Variants in MTUS1 observed in about 807,000 individuals in gnomAD.
MTUS1 encodes microtubule-associated tumor suppressor 1.
MTUS1 carries 109 observed loss-of-function variants against 120.8 expected under a neutral mutation model. That is an observed-to-expected ratio of 0.90 (90% CI 0.77 to 1.06). The LOEUF (loss-of-function observed/expected upper bound fraction) is 1.06. Ranked by LOEUF, MTUS1 falls within the 50% of genes least tolerant of loss-of-function variation. The probability of loss-of-function intolerance (pLI) is 0.00; values close to 1 mark genes in which losing one functional copy is unlikely to be tolerated. For missense variants in MTUS1, 2,210 were observed against 1,486.3 expected (o/e 1.49, Z -8.01); for synonymous variants, 737 against 550.5 (o/e 1.34, Z -4.74).
chr8:17,778,795 T>G (rs1269816922), intron 1 of MTUS1, among the ~76,000 whole-genome samples: 1 of 151,988 alleles, frequency 6.6e-6, no homozygotes, highest in Non-Finnish European at 1.5e-5. Context: ...GGTGGCCGAG[T>G]AAGACTCTAT....
chr8:17,702,274 T>C (rs558256465), intron 6 of MTUS1, among the ~76,000 whole-genome samples: 2 of 152,222 alleles, frequency 1.3e-5, no homozygotes, highest in Non-Finnish European at 2.9e-5. Context: ...AAGCAAGAAC[T>C]GAGAGCACAT....
chr8:17,697,103 C>T (rs1422881472), intron 6 of MTUS1, among the ~76,000 whole-genome samples: 1 of 152,178 alleles, frequency 6.6e-6, no homozygotes, highest in Non-Finnish European at 1.5e-5. Context: ...GCTGAAGCAA[C>T]AGAAAACAAT....
chr8:17,724,210 C>T (rs1221769194), intron 3 of MTUS1: 1 of 409,582 alleles, frequency 2.4e-6, no homozygotes, highest in Non-Finnish European at 4.7e-6. Context: ...ATACTGGTGA[C>T]TAAAAAAAAA....
In MTUS1 at chr8:17,755,092, T is replaced by C. The variant is rs1471141195; in HGVS notation, c.716A>G (p.Gln239Arg). 4.3e-6 allele frequency: 7 copies of C among 1,613,912 alleles called. No individual in the cohort carries two copies. Among genetic ancestry groups the C allele is most frequent in the Non-Finnish European group, 5.9e-6 (7 of 1,180,038 alleles). The change falls in exon 2 of 15, where the codon CAA (glutamine) becomes CGA (arginine). Residue 239 changes from glutamine (Q) to arginine (R), a missense_variant. Coordinates refer to ENST00000693296, the MANE Select transcript of MTUS1 (RefSeq NM_001363059.2). ...ENPQVTPSEA[Q>R]DMTYTAFSDV... Reference sequence around the variant, plus strand: ...AGAAAATGCTGTGTAAGTCATGTCTTGGGCTTCTGATGGTGTGACTTGAGG... The same window carrying C: ...AGAAAATGCTGTGTAAGTCATGTCTCGGGCTTCTGATGGTGTGACTTGAGG...
At chr8:17,678,369 A>C (rs551575106) in intron 7 of MTUS1, among the ~76,000 whole-genome samples, 1 of 101,774 alleles carries the variant, frequency 9.8e-6, no homozygotes, top group Non-Finnish European at 2.5e-5. Context: ...ATGTGAAAAA[A>C]GAGAAAGGTG....
At chr8:17,740,021 C>T (rs1020493092) in intron 3 of MTUS1, among the ~76,000 whole-genome samples, 2 of 152,024 alleles carry the variant, frequency 1.3e-5, no homozygotes, top group Non-Finnish European at 2.9e-5. Context: ...GCCTGGCCAA[C>T]ATGGTGAAAC....
intron 4 of MTUS1, chr8:17,721,596 A>G: frequency 7.9e-7 from 1 of 1,260,688 alleles, no homozygotes; most frequent in Non-Finnish European, 1.1e-6. Flanking sequence ...CCCAAATACT[A>G]CCATTACCAT....
intron 3 of MTUS1, chr8:17,724,132 A>G (rs1400361222): frequency 1.9e-6 from 1 of 521,808 alleles, no homozygotes. Context: ...GATCAATCAG[A>G]ATAATCATGA....
intron 7 of MTUS1, among the ~76,000 whole-genome samples, chr8:17,677,219 T>C (rs181640755): frequency 2.0e-5 from 3 of 152,274 alleles, no homozygotes; most frequent in East Asian, 1.9e-4. Context: ...AAGAAAAACA[T>C]AAAAATATGT....
intron 1 of MTUS1, among the ~76,000 whole-genome samples, chr8:17,769,935 G>A (rs543560677): frequency 2.1e-5 from 3 of 140,864 alleles, no homozygotes; most frequent in African/African-American, 5.2e-5. Context: ...CACGGGGGGG[G>A]TTGGGGGGGA....
chr8:17,763,535 A>T (rs2049211871), intron 1 of MTUS1, among the ~76,000 whole-genome samples: 1 of 152,140 alleles, frequency 6.6e-6, no homozygotes, highest in South Asian at 2.1e-4. Flanking sequence ...ATTTTTGTAA[A>T]TTTAGTGAGA....
At position 17,754,710 on chromosome 8, in the gene MTUS1, G is replaced by A. The variant is rs750938017; in HGVS notation, c.1098C>T (p.Asn366=). ...AFDKSEAQVL[N]PEHKVTETED... ...CAGTCTCAGTGACTTTATGCTCTGG[G>A]TTCAGCACTTGAGCTTCGCTCTTAT... Residue 366 remains asparagine, a synonymous_variant, in exon 2 of 15, where the codon AAC becomes AAT. Transcript: ENST00000693296. The A allele has an allele frequency of 2.5e-6, 4 of 1,614,114 alleles. No homozygotes were observed. The highest frequency in any genetic ancestry group is 1.6e-4 in the Middle Eastern group (1 of 6,084).
intron 1 of MTUS1, among the ~76,000 whole-genome samples, chr8:17,788,154 C>T (rs887495676): frequency 1.3e-5 from 2 of 152,124 alleles, no homozygotes; most frequent in Non-Finnish European, 1.5e-5. Context: ...GTGATGGACA[C>T]ATTCTGTATC....
At chr8:17,712,501 A>T (rs13439624) in intron 6 of MTUS1, among the ~76,000 whole-genome samples, 144,446 of 152,136 alleles carry the variant, frequency 0.95, 68,772 homozygotes, top group Non-Finnish European at 0.99. Context: ...CACGTCCGGC[A>T]AACTTTTTTG....
At chr8:17,748,439 G>C (rs1208336420) in intron 2 of MTUS1, among the ~76,000 whole-genome samples, 1 of 152,124 alleles carries the variant, frequency 6.6e-6, no homozygotes, top group Non-Finnish European at 1.5e-5. Context: ...CACCAACTTT[G>C]GGTACCCAAA....
At chr8:17,726,782 G>A (rs891434689) in intron 3 of MTUS1, among the ~76,000 whole-genome samples, 1 of 152,194 alleles carries the variant, frequency 6.6e-6, no homozygotes, top group South Asian at 2.1e-4. Flanking sequence ...CCAAATTGCC[G>A]CCCCTTCAGC....
At chr8:17,798,846 G>C (rs967052045) in intron 1 of MTUS1, among the ~76,000 whole-genome samples, 2 of 152,092 alleles carry the variant, frequency 1.3e-5, no homozygotes, top group Non-Finnish European at 2.9e-5. Context: ...TCCATAAAAG[G>C]CTCTTATGAA....
chr8:17,728,456 G>A (rs908588515), intron 3 of MTUS1, among the ~76,000 whole-genome samples: 1 of 152,222 alleles, frequency 6.6e-6, no homozygotes, highest in Non-Finnish European at 1.5e-5. Context: ...ATGAAGGTGT[G>A]TCTTACACAA....
chr8:17,647,302 A>G, intron 13 of MTUS1: 1 of 458,846 alleles, frequency 2.2e-6, no homozygotes, highest in Non-Finnish European at 3.9e-6. Context: ...ACACTTAAAT[A>G]TTGATACGAG....
Sources: allele counts gnomAD v4.1 joint callset (sites outside exome capture counted in the v4.1 genomes callset), GRCh38; gene constraint gnomAD v4.1.1; transcripts MANE v1.5; gene names NCBI Gene and HGNC (gene_info 2026-07-23, HGNC 2026-07-21).